ADRA1B: variants seen among roughly 807,000 people sequenced by gnomAD.
ADRA1B encodes the protein adrenoceptor alpha 1B.
In ADRA1B, 17 loss-of-function variants were observed where a neutral mutation model predicts 17.9. The ratio of observed to expected loss-of-function variants is 0.95; its 90% CI spans 0.65 to 1.42. The LOEUF (loss-of-function observed/expected upper bound fraction) is 1.42, where lower values mean the gene tolerates loss of function less well. Among genes scored for constraint, ADRA1B ranks in the 40% most tolerant of loss-of-function variants. The pLI, the probability that ADRA1B is intolerant of heterozygous loss-of-function variation, is 0.00. For missense variants in ADRA1B, 681 were observed against 722.1 expected (o/e 0.94, Z 0.65); for synonymous variants, 366 against 327.6 (o/e 1.12, Z -1.27).
At chr5:159,953,372 TA>T (rs921265301) in intron 1 of ADRA1B, among the ~76,000 whole-genome samples, 95 of 150,928 alleles carry the variant, frequency 6.3e-4, no homozygotes, top group African/African-American at 2.2e-3. Flanking sequence ...AAATAAAAAA[TA>T]AAAAAAAAGA....
At chr5:159,904,437 A>G (rs1754138129) in intron 1 of ADRA1B, among the ~76,000 whole-genome samples, 1 of 152,220 alleles carries the variant, frequency 6.6e-6, no homozygotes, top group Admixed American at 6.5e-5. Context: ...TGTTCCCAAA[A>G]AGAAATTAAT....
intron 1 of ADRA1B, among the ~76,000 whole-genome samples, chr5:159,893,181 A>G (rs926883541): frequency 6.6e-6 from 1 of 152,220 alleles, no homozygotes; most frequent in Non-Finnish European, 1.5e-5. Flanking sequence ...ATGCTGTTAG[A>G]ACTGGGACTG....
At chr5:159,973,353 C>T (rs1755922752), downstream of ADRA1B, among the ~76,000 whole-genome samples, 2 of 152,288 alleles carry the variant, frequency 1.3e-5, no homozygotes, top group African/African-American at 4.8e-5. Context: ...CCTGCTGTGA[C>T]CAACACTGAG....
chr5:159,948,402 A>G, intron 1 of ADRA1B: 5 of 985,462 alleles, frequency 5.1e-6, no homozygotes, highest in Non-Finnish European at 6.0e-6. Flanking sequence ...ACCTTCACAA[A>G]AATGATGATT....
chr5:159,946,928 T>C (rs141477819), intron 1 of ADRA1B, among the ~76,000 whole-genome samples: 1 of 152,208 alleles, frequency 6.6e-6, no homozygotes, highest in Non-Finnish European at 1.5e-5. Flanking sequence ...GGTGGAGAAC[T>C]AATATTGACT....
chr5:159,923,643 C>T (rs1754554341), intron 1 of ADRA1B, among the ~76,000 whole-genome samples: 1 of 152,264 alleles, frequency 6.6e-6, no homozygotes, highest in Non-Finnish European at 1.5e-5. Flanking sequence ...GCCAGACACT[C>T]TCATAAGTCA....
intron 1 of ADRA1B, among the ~76,000 whole-genome samples, chr5:159,872,072 T>C (rs1307601494): frequency 2.0e-5 from 3 of 152,228 alleles, no homozygotes; most frequent in Admixed American, 2.0e-4. Flanking sequence ...ACTTGTATCA[T>C]ATCCTCTACA....
At chr5:159,935,485 C>T (rs1754928468) in intron 1 of ADRA1B, among the ~76,000 whole-genome samples, 1 of 151,800 alleles carries the variant, frequency 6.6e-6, no homozygotes, top group Non-Finnish European at 1.5e-5. Context: ...TCATCTCATT[C>T]ACCTCTCTCC....
Position 159,972,215 on chromosome 5 carries a change from G to A in ADRA1B, c.1286G>A (p.Gly429Asp). 1 of 1,357,494 alleles carries A rather than the reference G, an allele frequency of 7.4e-7. No individual in the cohort carries two copies. The highest frequency in any genetic ancestry group is 1.7e-5 in the South Asian group (1 of 59,864). The allele number at this position is 1,357,494 out of a possible 1,614,324, so 84.1% of individuals were successfully genotyped here. A position where few individuals can be genotyped will look rare whatever the true frequency, so the allele number is the denominator to read the frequency against. ...CTGCCCTCGGCCTCGCCGAGCCCGGGCTACCTGGGCCGCGGCGCGCCACCG... is the reference window on the plus strand; with the variant it reads ...CTGCCCTCGGCCTCGCCGAGCCCGGACTACCTGGGCCGCGGCGCGCCACCG... ...RTLPSASPSP[G>D]YLGRGAPPPV... The change falls in exon 2 of 2, where the codon GGC (glycine) becomes GAC (aspartate). Residue 429 changes from glycine to aspartate, a missense_variant. Coordinates refer to ENST00000306675, the MANE Select transcript of ADRA1B (RefSeq NM_000679.4).
intron 1 of ADRA1B, among the ~76,000 whole-genome samples, chr5:159,933,969 A>G (rs1000104824): frequency 6.6e-6 from 1 of 152,238 alleles, no homozygotes; most frequent in Non-Finnish European, 1.5e-5. Context: ...TGCAGTAGAC[A>G]GCGTATATTT....
chr5:159,908,160 A>G (rs936808556), intron 1 of ADRA1B, among the ~76,000 whole-genome samples: 17 of 152,206 alleles, frequency 1.1e-4, no homozygotes, highest in African/African-American at 3.9e-4. Flanking sequence ...CCATGGAGAC[A>G]GGCACATATT....
intron 1 of ADRA1B, among the ~76,000 whole-genome samples, chr5:159,964,011 T>C (rs1193497938): frequency 6.6e-6 from 1 of 152,138 alleles, no homozygotes; most frequent in Non-Finnish European, 1.5e-5. Context: ...AATAAAATAA[T>C]AGAAATGCTT....
chr5:159,920,788 C>T (rs936336777), intron 1 of ADRA1B, among the ~76,000 whole-genome samples: 3 of 152,096 alleles, frequency 2.0e-5, no homozygotes, highest in Non-Finnish European at 2.9e-5. Context: ...AACACCCAAG[C>T]AAAAGCAGCA....
chr5:159,894,738 G>A (rs1754023725), intron 1 of ADRA1B, among the ~76,000 whole-genome samples: 1 of 152,118 alleles, frequency 6.6e-6, no homozygotes. Flanking sequence ...AGGGGAGAGG[G>A]CCACTCACTA....
At chr5:159,904,799 T>C (rs987929953) in intron 1 of ADRA1B, among the ~76,000 whole-genome samples, 19 of 152,216 alleles carry the variant, frequency 1.2e-4, no homozygotes, top group African/African-American at 4.3e-4. Flanking sequence ...ATAAAGAGCC[T>C]TGGGAGAAAG....
chr5:159,971,856 G>T, intron 1 of ADRA1B, 23 bp from the exon 2 acceptor site: 1 of 1,306,266 alleles, frequency 7.7e-7, no homozygotes. Flanking sequence ...TTCTGCCCGT[G>T]CCCACCCCCC....
upstream of ADRA1B, among the ~76,000 whole-genome samples, chr5:159,913,659 T>G (rs371566290): frequency 1.2e-4 from 18 of 152,332 alleles, no homozygotes; most frequent in African/African-American, 3.8e-4. Context: ...TCAGATTTGC[T>G]CTTTTTTTTT....
At chr5:159,869,404 G>C (rs1753707146) in intron 1 of ADRA1B, 1 of 152,220 alleles carries the variant, frequency 6.6e-6, no homozygotes, top group African/African-American at 2.4e-5. Context: ...AAACTACTGA[G>C]AGCAGAACAG....
intron 1 of ADRA1B, among the ~76,000 whole-genome samples, chr5:159,895,522 G>T (rs1293556430): frequency 6.6e-6 from 1 of 152,134 alleles, no homozygotes; most frequent in Non-Finnish European, 1.5e-5. Context: ...CAGGTTTCAG[G>T]TTTACAAGCT....
Sources: gnomAD v4.1 joint callset for allele counts (sites outside exome capture counted in the v4.1 genomes callset) on GRCh38, gnomAD v4.1.1 for gene constraint, MANE v1.5 for transcripts, NCBI Gene and HGNC (gene_info 2026-07-23, HGNC 2026-07-21) for gene names.